The following CLEC17A variants were observed in gnomAD, a reference collection of about 807,000 sequenced individuals.
CLEC17A encodes the protein C-type lectin domain containing 17A.
CLEC17A carries 37 observed loss-of-function variants against 61.3 expected under a neutral mutation model. That is an observed-to-expected ratio of 0.60 (90% CI 0.46 to 0.79). CLEC17A has a LOEUF of 0.79. Among genes scored for constraint, CLEC17A ranks in the 30% least tolerant of loss-of-function variants. CLEC17A has a pLI of 0.00. For missense variants in CLEC17A, 418 were observed against 464.7 expected, an observed-to-expected ratio of 0.90 and a Z score of 0.92; for synonymous variants, 168 against 164.9, an observed-to-expected ratio of 1.02 and a Z score of -0.14.
chr19:14,590,615 G>A (rs935759543), intron 3 of CLEC17A, among the ~76,000 whole-genome samples: 3 of 152,020 alleles, frequency 2.0e-5, no homozygotes, highest in East Asian at 1.9e-4. Flanking sequence ...TCGAACTCCC[G>A]ACCTCAGGTG....
chr19:14,605,825 A>G (rs1309795622), intron 12 of CLEC17A, among the ~76,000 whole-genome samples: 2 of 152,070 alleles, frequency 1.3e-5, no homozygotes, highest in Non-Finnish European at 2.9e-5. Context: ...TGCAGCCTTG[A>G]ACTCCTGGGC....
In CLEC17A at chr19:14,590,133, G is replaced by A. The variant is rs1373324083; in HGVS notation, c.200-2148G>A. ...GCTTATGGTTGTTTTAAGTCACTGCGTTTTGGGGTAATTGGTTGTGCAGCC... is the reference window on the plus strand; with the variant it reads ...GCTTATGGTTGTTTTAAGTCACTGCATTTTGGGGTAATTGGTTGTGCAGCC... On this transcript the variant is annotated intron_variant, in intron 3 of 13. Coordinates refer to ENST00000417570, the MANE Select transcript of CLEC17A (RefSeq NM_001204118.2). Among the ~76,000 whole-genome samples, 10 of 146,108 alleles carry A rather than the reference G, an allele frequency of 6.8e-5. No homozygotes were observed. The Admixed American group carries it at 7.0e-4, about 10-fold the overall frequency.
At chr19:14,593,359 A>T (rs1431129024) in intron 4 of CLEC17A, among the ~76,000 whole-genome samples, 1 of 145,560 alleles carries the variant, frequency 6.9e-6, no homozygotes, top group African/African-American at 2.6e-5. Context: ...AAAAAAGGGA[A>T]GTTTGGGCCA....
At chr19:14,605,179 C>T (rs2074826184) in intron 12 of CLEC17A, among the ~76,000 whole-genome samples, 1 of 151,814 alleles carries the variant, frequency 6.6e-6, no homozygotes, top group African/African-American at 2.4e-5. Context: ...CTCACTGCAA[C>T]CTCCACCTCC....
At chr19:14,582,765 G>A (rs934157647), upstream of CLEC17A, among the ~76,000 whole-genome samples, 2 of 151,840 alleles carry the variant, frequency 1.3e-5, no homozygotes, top group African/African-American at 2.4e-5. Flanking sequence ...CTGCCACTGC[G>A]CCTGGCTAAT....
Position 14,586,806 on chromosome 19 carries a change from A to G in CLEC17A, c.122-808A>G, listed in dbSNP as rs563263282. Reference sequence around the variant, plus strand: ...AAGTTTATCCATCTCTTCCACCCAGAACTTGGTGCTCTGTAGGGGAGCTCA... The same window carrying G: ...AAGTTTATCCATCTCTTCCACCCAGGACTTGGTGCTCTGTAGGGGAGCTCA... On this transcript the variant is annotated intron_variant, in intron 2 of 13. Transcript: ENST00000417570. Among the ~76,000 whole-genome samples the G allele has an allele frequency of 1.3e-4, 20 of 152,064 alleles. No individual in the cohort carries two copies. In the South Asian group the frequency reaches 2.7e-3, roughly 21 times the overall value.
chr19:14,598,332 C>CTCTT (rs35441146), intron 10 of CLEC17A, among the ~76,000 whole-genome samples: 10,046 of 150,908 alleles, frequency 0.067, 1,076 homozygotes, highest in African/African-American at 0.23. Context: ...CTCTCACTAT[C>CTCTT]TCTTTCTTTC....
intron 8 of CLEC17A, among the ~76,000 whole-genome samples, chr19:14,596,095 G>C (rs116268557): frequency 2.2e-3 from 157 of 70,968 alleles, no homozygotes; most frequent in African/African-American, 8.5e-3. Flanking sequence ...AGAAACTCAG[G>C]TATCTGCTTG....
chr19:14,599,680 C>G (rs557421779), intron 10 of CLEC17A, 37 bp from the exon 11 acceptor site: 1 of 1,480,814 alleles, frequency 6.8e-7, no homozygotes, highest in Admixed American at 1.7e-5. Flanking sequence ...AGGATGGGTT[C>G]TCAGTCTGTA....
At chr19:14,597,377 G>A (rs1463784750) in intron 10 of CLEC17A, among the ~76,000 whole-genome samples, 2 of 152,156 alleles carry the variant, frequency 1.3e-5, no homozygotes, top group Non-Finnish European at 2.9e-5. Context: ...CAATATGGTG[G>A]CCACAAGCCA....
At chr19:14,582,965 ATGTG>A (rs35999236), upstream of CLEC17A, 2,648 of 542,092 alleles carry the variant, frequency 4.9e-3, 6 homozygotes, top group East Asian at 7.1e-3. Flanking sequence ...CTCTGTGTGT[ATGTG>A]TGTGTGTGTG....
intron 13 of CLEC17A, among the ~76,000 whole-genome samples, chr19:14,608,781 G>A (rs2074970526): frequency 1.3e-5 from 2 of 149,680 alleles, no homozygotes; most frequent in South Asian, 2.1e-4. Context: ...TTACAGGTGC[G>A]CACCACCATG....
chr19:14,592,265 G>A lies in CLEC17A; in HGVS notation c.200-16G>A. On this transcript the variant is annotated splice_polypyrimidine_tract_variant and intron_variant, in intron 3 of 13. Coordinates refer to ENST00000417570, the MANE Select transcript of CLEC17A (RefSeq NM_001204118.2). ...GGAGGGAATGGCTGGGCTCTGACTT[G>A]CCTTTCCCCTGGAAGGGACCATGGA... 1 of 1,579,172 alleles carries A rather than the reference G, an allele frequency of 6.3e-7. No homozygotes were observed. Among genetic ancestry groups the A allele is most frequent in the African/African-American group, 1.3e-5 (1 of 74,124 alleles).
At chr19:14,598,572 C>G (rs966376292) in intron 10 of CLEC17A, among the ~76,000 whole-genome samples, 1 of 152,026 alleles carries the variant, frequency 6.6e-6, no homozygotes, top group African/African-American at 2.4e-5. Flanking sequence ...CTCCCAGGTT[C>G]AAGTGATTGT....
At chr19:14,581,063 TA>T (rs1449684321), upstream of CLEC17A, among the ~76,000 whole-genome samples, 1 of 152,190 alleles carries the variant, frequency 6.6e-6, no homozygotes, top group Non-Finnish European at 1.5e-5. Context: ...GCCTGTCAGG[TA>T]AGAAATACAT....
chr19:14,608,113 C>A (rs1413620934), intron 13 of CLEC17A, among the ~76,000 whole-genome samples: 1 of 152,108 alleles, frequency 6.6e-6, no homozygotes, highest in Non-Finnish European at 1.5e-5. Context: ...CTCAAGCGAT[C>A]CACCCGCCTT....
At chr19:14,599,672 G>A (rs763524286) in intron 10 of CLEC17A, 45 bp from the exon 11 acceptor site, 6 of 1,399,980 alleles carry the variant, frequency 4.3e-6, no homozygotes, top group Non-Finnish European at 6.1e-6. Flanking sequence ...GGATGGGTAG[G>A]ATGGGTTCTC....
chr19:14,582,965 A>ATG (rs35999236), upstream of CLEC17A: 70,221 of 546,644 alleles, frequency 0.13, 4,226 homozygotes, highest in African/African-American at 0.4. Flanking sequence ...CTCTGTGTGT[A>ATG]TGTGTGTGTG....
chr19:14,601,995 T>C (rs1041876129), intron 12 of CLEC17A, among the ~76,000 whole-genome samples: 2 of 152,054 alleles, frequency 1.3e-5, no homozygotes, highest in Non-Finnish European at 2.9e-5. Flanking sequence ...GGTTTCACTG[T>C]GTTAGCCAGG....
Sources: allele counts gnomAD v4.1 joint callset (sites outside exome capture counted in the v4.1 genomes callset), GRCh38; gene constraint gnomAD v4.1.1; transcripts MANE v1.5; gene names NCBI Gene and HGNC (gene_info 2026-07-23, HGNC 2026-07-21).